The following BMERB1 variants were observed in gnomAD, a reference collection of about 807,000 sequenced individuals.
BMERB1 encodes the protein bMERB domain-containing protein 1.
In BMERB1, 12 loss-of-function variants were observed where a neutral mutation model predicts 23.6. The observed-to-expected ratio is 0.51, with a 90% CI of 0.33 to 0.82. The LOEUF (loss-of-function observed/expected upper bound fraction) is 0.82, where lower values mean the gene tolerates loss of function less well. Ranked by LOEUF, BMERB1 falls within the 40% of genes least tolerant of loss-of-function variation. The pLI, the probability that BMERB1 is intolerant of heterozygous loss-of-function variation, is 0.03. For synonymous variants in BMERB1, 122 were observed against 96.6 expected, an observed-to-expected ratio of 1.26 and a Z score of -1.54; for missense variants, 247 against 255.4, an observed-to-expected ratio of 0.97 and a Z score of 0.22.
chr16:15,583,903 G>A lies in BMERB1; in HGVS notation c.502+665G>A, dbSNP rs188044109. 2.8e-4 allele frequency: 184 copies of A among 664,714 alleles called. 1 individual carries two copies. Among genetic ancestry groups the A allele is most frequent in the African/African-American group, 2.7e-3 (152 of 55,538 alleles). 41.2% of individuals were successfully genotyped at this position (664,714 alleles called of 1,614,324 possible). A position where few individuals can be genotyped will look rare whatever the true frequency, so the allele number is the denominator to read the frequency against. ...TATTGGATTGAACTCTGCAAACTAC[G>A]TACCTGGTCCTGGTAGTTGTTCCTC... On this transcript the variant is annotated intron_variant, in intron 5 of 5. Coordinates refer to ENST00000300006, the MANE Select transcript of BMERB1 (RefSeq NM_033201.3).
chr16:15,575,768 G>A (rs1222179093), intron 3 of BMERB1, among the ~76,000 whole-genome samples: 1 of 152,076 alleles, frequency 6.6e-6, no homozygotes, highest in Non-Finnish European at 1.5e-5. Flanking sequence ...TACACCCTAT[G>A]TAAATGAAGT....
intron 1 of BMERB1, among the ~76,000 whole-genome samples, chr16:15,479,657 C>T (rs2051302978): frequency 6.6e-6 from 1 of 152,044 alleles, no homozygotes; most frequent in Admixed American, 6.6e-5. Context: ...TCTAGCCAGA[C>T]ATTGAAACGA....
At position 15,473,651 on chromosome 16, in the gene BMERB1, G is replaced by A. The variant is rs534685137; in HGVS notation, c.106+38892G>A. On this transcript the variant is annotated intron_variant, in intron 1 of 5. Coordinates refer to ENST00000300006, the MANE Select transcript of BMERB1 (RefSeq NM_033201.3). ...CAACAAATTCTCTTAGTGTTTTCTC[G>A]CCTGAGAATGTCTTTGTTTCCTCTT... 1.1e-4 allele frequency among the ~76,000 whole-genome samples: 17 copies of A among 152,064 alleles called. 1 individual carries two copies. Among genetic ancestry groups the A allele is most frequent in the South Asian group, 4.2e-4 (2 of 4,812 alleles).
chr16:15,448,892 T>G (rs367924232), intron 1 of BMERB1, among the ~76,000 whole-genome samples: 13 of 152,196 alleles, frequency 8.5e-5, no homozygotes, highest in African/African-American at 3.1e-4. Context: ...TCAGATCAGA[T>G]ACAAAGTAAC....
intron 2 of BMERB1, chr16:15,532,917 C>T: frequency 2.3e-6 from 1 of 439,556 alleles, no homozygotes; most frequent in Non-Finnish European, 4.5e-6. Flanking sequence ...GACCTCGTGC[C>T]TGGTAAGTGT....
chr16:15,435,134 G>T (rs1343122472), intron 1 of BMERB1, among the ~76,000 whole-genome samples: 1 of 152,246 alleles, frequency 6.6e-6, no homozygotes, highest in Non-Finnish European at 1.5e-5. Context: ...CTGGAGACGC[G>T]GGACCGTCCT....
At chr16:15,467,850 C>T (rs1161813611) in intron 1 of BMERB1, among the ~76,000 whole-genome samples, 1 of 152,064 alleles carries the variant, frequency 6.6e-6, no homozygotes, top group Non-Finnish European at 1.5e-5. Flanking sequence ...GTAAGATGTA[C>T]ATTGATTTGG....
chr16:15,560,374 C>T (rs112088824), intron 2 of BMERB1, among the ~76,000 whole-genome samples: 192 of 152,348 alleles, frequency 1.3e-3, no homozygotes, highest in African/African-American at 4.3e-3. Flanking sequence ...GTAGAAGTGG[C>T]CTCTGCTACA....
At chr16:15,481,443 C>T (rs1313354842) in intron 1 of BMERB1, among the ~76,000 whole-genome samples, 1 of 151,894 alleles carries the variant, frequency 6.6e-6, no homozygotes, top group Non-Finnish European at 1.5e-5. Flanking sequence ...AGGAGAATGG[C>T]GTGAACCCGG....
intron 1 of BMERB1, among the ~76,000 whole-genome samples, chr16:15,444,989 T>TGCCTAGGCCTCCC (rs1253088686): frequency 9.9e-5 from 15 of 152,278 alleles, no homozygotes; most frequent in Admixed American, 2.0e-4. Context: ...CTCAACCTCC[T>TGCCTAGGCCTCCC]GCCTAGGCCT....
chr16:15,542,465 A>G (rs139885306), intron 2 of BMERB1, among the ~76,000 whole-genome samples: 1 of 152,002 alleles, frequency 6.6e-6, no homozygotes, highest in African/African-American at 2.4e-5. Flanking sequence ...CCTCATTAGC[A>G]TACACTCAGA....
In BMERB1 at chr16:15,568,055, A is replaced by G; in HGVS notation, c.303A>G (p.Pro101=). 3.7e-6 allele frequency: 6 copies of G among 1,613,890 alleles called. No individual in the cohort carries two copies. The highest frequency in any genetic ancestry group is 5.1e-6 in the Non-Finnish European group (6 of 1,179,854). The change falls in exon 3 of 6, where the codon CCA becomes CCG. Residue 101 remains proline (P), a splice_region_variant and synonymous_variant. Transcript: ENST00000300006. ...AGCTGCAGAACTTGGTCGCCATCCC[A>G]GGTAACCATTTGCAACTTCACCTTG... ...KQELQNLVAI[P]EKEKTKLQKQ...
intron 1 of BMERB1, chr16:15,447,851 A>G (rs915531674): frequency 4.4e-6 from 2 of 456,006 alleles, no homozygotes. Flanking sequence ...ATATGGGGCC[A>G]TTGGAGGACA....
chr16:15,443,918 C>CA (rs948880507), intron 1 of BMERB1, among the ~76,000 whole-genome samples: 43 of 145,132 alleles, frequency 3.0e-4, no homozygotes, highest in Admixed American at 9.7e-4. Flanking sequence ...TCTCCAAAAA[C>CA]AAAAAAAAAA....
At position 15,545,329 on chromosome 16, in the gene BMERB1, G is replaced by A. The variant is rs564814207; in HGVS notation, c.231-22654G>A. Among the ~76,000 whole-genome samples, 30 of 152,256 alleles carry A rather than the reference G, an allele frequency of 2.0e-4. 2 individuals are homozygous for A. The South Asian group carries it at 3.7e-3, about 19-fold the overall frequency. ...CTCTTACTGATATCTGCCCACAGCT[G>A]ATTAGGTGCAAGCTAGCCCAGTACC... On this transcript the variant is annotated intron_variant, in intron 2 of 5. Transcript: ENST00000300006.
intron 2 of BMERB1, among the ~76,000 whole-genome samples, chr16:15,540,695 G>C (rs1341477512): frequency 2.0e-5 from 3 of 152,212 alleles, no homozygotes; most frequent in African/African-American, 7.2e-5. Context: ...GAGGAGGTCA[G>C]GCGCAGCAAG....
chr16:15,587,355 G>C lies in BMERB1; in HGVS notation c.*526G>C. 1 of 243,598 alleles carries C rather than the reference G, an allele frequency of 4.1e-6. No individual in the cohort carries two copies. Among genetic ancestry groups the C allele is most frequent in the Non-Finnish European group, 8.6e-6 (1 of 116,314 alleles). The allele number at this position is 243,598 out of a possible 1,614,324, so 15.1% of individuals were successfully genotyped here. On this transcript the variant is annotated 3_prime_UTR_variant, in exon 6 of 6. Transcript: ENST00000300006. ...GCTCCACATGGCCCCCGTGTCTCTC[G>C]GGCACCACCCATATAGCAGTCCCAG... is the stretch of plus-strand genomic sequence containing the variant.
intron 2 of BMERB1, among the ~76,000 whole-genome samples, chr16:15,538,584 G>A (rs1296687161): frequency 2.0e-5 from 3 of 152,178 alleles, no homozygotes; most frequent in Non-Finnish European, 4.4e-5. Context: ...CTGACCTTGA[G>A]TTATTCCAGA....
intron 2 of BMERB1, among the ~76,000 whole-genome samples, chr16:15,539,174 C>T (rs369140561): frequency 2.0e-5 from 3 of 152,140 alleles, no homozygotes; most frequent in Non-Finnish European, 2.9e-5. Context: ...CATCTGTGGG[C>T]GATGGGAGAG....
Sources: gnomAD v4.1 joint callset for allele counts (sites outside exome capture counted in the v4.1 genomes callset) on GRCh38, gnomAD v4.1.1 for gene constraint, MANE v1.5 for transcripts, NCBI Gene and HGNC (gene_info 2026-07-23, HGNC 2026-07-21) for gene names.